ZNF578: variants seen among roughly 807,000 people sequenced by gnomAD.
ZNF578 encodes the protein zinc finger protein 578, also known as Putative chemokine-related protein B42.
A neutral mutation model predicts 8.3 loss-of-function variants in ZNF578; 8 were observed. That is an observed-to-expected ratio of 0.96 (90% CI 0.56 to 1.74). The LOEUF (loss-of-function observed/expected upper bound fraction) is 1.74. ZNF578 is among the 40% of genes most tolerant of loss of function. The pLI, the probability that ZNF578 is intolerant of heterozygous loss-of-function variation, is 0.00. For missense variants in ZNF578, 726 were observed against 707.5 expected (o/e 1.03, Z -0.30); for synonymous variants, 206 against 232.2 (o/e 0.89, Z 1.03).
At chr19:52,482,364 G>C (rs775590636) in intron 2 of ZNF578, among the ~76,000 whole-genome samples, 5 of 151,952 alleles carry the variant, frequency 3.3e-5, no homozygotes, top group Non-Finnish European at 7.4e-5. Flanking sequence ...ACATCAGGAC[G>C]CGGTGGCTCA....
At chr19:52,508,795 CAAA>C (rs374726428) in intron 5 of ZNF578, among the ~76,000 whole-genome samples, 6 of 100,850 alleles carry the variant, frequency 5.9e-5, no homozygotes, top group Non-Finnish European at 1.0e-4. Flanking sequence ...AACTCTGTCT[CAAA>C]AAAAAAAAAA....
chr19:52,479,124 G>A (rs148094758), intron 2 of ZNF578, among the ~76,000 whole-genome samples: 2,135 of 149,794 alleles, frequency 0.014, 46 homozygotes, highest in African/African-American at 0.05. Flanking sequence ...CAGAAGCTTA[G>A]TTAATGTCTG....
At chr19:52,484,149 A>G (rs2059336668) in intron 2 of ZNF578, among the ~76,000 whole-genome samples, 1 of 152,230 alleles carries the variant, frequency 6.6e-6, no homozygotes, top group Admixed American at 6.5e-5. Flanking sequence ...GTAAAGGAAA[A>G]AGTGCTGTGC....
At position 52,484,312 on chromosome 19, in the gene ZNF578, G is replaced by A. The variant is rs75481827; in HGVS notation, c.-121-7012G>A. 2.6e-5 allele frequency among the ~76,000 whole-genome samples: 4 copies of A among 152,324 alleles called. No homozygotes were observed. In the South Asian group the frequency reaches 6.2e-4, roughly 24 times the overall value. Reference sequence around the variant, plus strand: ...ACCCAGACATTCCTTTGCCAGGGACGAGTGGGAGACAGATGCCTTCCTCTT... The same window carrying A: ...ACCCAGACATTCCTTTGCCAGGGACAAGTGGGAGACAGATGCCTTCCTCTT... On this transcript the variant is annotated intron_variant, in intron 2 of 5. Transcript: ENST00000421239.
In ZNF578 at chr19:52,511,415, G is replaced by T. The variant is rs1331076393; in HGVS notation, c.1034G>T (p.Cys345Phe). 2 of 1,614,176 alleles carry T rather than the reference G, an allele frequency of 1.2e-6. No homozygotes were observed. Residue 345 changes from cysteine to phenylalanine, a missense_variant, in exon 6 of 6, where the codon TGT becomes TTT. Transcript: ENST00000421239. ...CACACTGGTGAGAAACCTTACAAGT[G>T]TAATGAATGTGGAAAGTCCTTCAGT... ...RCHTGEKPYKCNECGKSFSYK... is the reference protein window; with the variant it reads ...RCHTGEKPYKFNECGKSFSYK...
chr19:52,474,513 G>T (rs2059302028), intron 2 of ZNF578: 3 of 302,212 alleles, frequency 9.9e-6, no homozygotes, highest in Admixed American at 4.4e-5. Flanking sequence ...GTTCTGCAAG[G>T]TGTGAACTCT....
rs140088418 is a variant in ZNF578 at position 52,505,626 on chromosome 19, G to A, written c.190+845G>A. Among the ~76,000 whole-genome samples the A allele has an allele frequency of 6.8e-4, 103 of 151,918 alleles. 3 individuals are homozygous for A. In the East Asian group the frequency reaches 0.016, roughly 24 times the overall value. ...TTTTTAGTAGAGACGGGGTTTCACC[G>A]TGTTAGCCAAGATGCTCTCGATCTC... On this transcript the variant is annotated intron_variant, in intron 5 of 5. Transcript: ENST00000421239.
At chr19:52,458,470 A>ATATATATATATG (rs2059246337) in intron 2 of ZNF578, 1 of 143,536 alleles carries the variant, frequency 7.0e-6, no homozygotes, top group Non-Finnish European at 1.5e-5. Flanking sequence ...TACTATGTTT[A>ATATATATATATG]TATATATATA....
In ZNF578 at chr19:52,514,113, TC is replaced by T. The variant is rs2059462654; in HGVS notation, c.*1960del. ...CCTTTTTTTTCCTTCTGGTTCCTCT[TC>T]AGTTCTCTATTTATTTTTTCTTTTT... On this transcript the variant is annotated 3_prime_UTR_variant, in exon 6 of 6. Coordinates refer to ENST00000421239, the MANE Select transcript of ZNF578 (RefSeq NM_001099694.2). 6.6e-6 allele frequency among the ~76,000 whole-genome samples: 1 copy of T among 152,142 alleles called. No individual in the cohort carries two copies. Among genetic ancestry groups the T allele is most frequent in the Admixed American group, 6.6e-5 (1 of 15,258 alleles).
chr19:52,459,749 G>GTATATA (rs1568454143), intron 2 of ZNF578, among the ~76,000 whole-genome samples: 6 of 7,886 alleles, frequency 7.6e-4, no homozygotes, highest in African/African-American at 1.3e-3. Flanking sequence ...GTGTGTGTGT[G>GTATATA]TGTATATATA....
chr19:52,495,348 G>T (rs1456980578), intron 3 of ZNF578, among the ~76,000 whole-genome samples: 1 of 145,926 alleles, frequency 6.9e-6, no homozygotes. Context: ...GGATTAGGAG[G>T]CCGAGGCAGG....
intron 3 of ZNF578, among the ~76,000 whole-genome samples, chr19:52,492,390 G>C (rs1258968914): frequency 3.3e-5 from 5 of 152,114 alleles, no homozygotes; most frequent in East Asian, 1.9e-4. Context: ...TGAGCACTCA[G>C]TCCCGCATCC....
At position 52,501,774 on chromosome 19, in the gene ZNF578, G is replaced by A. The variant is rs1270487789; in HGVS notation, c.-19-53G>A. On this transcript the variant is annotated intron_variant, in intron 3 of 5. Transcript: ENST00000421239. ...TCCCCGTTCCTGTGTTTTTATCACA[G>A]GAAGGGAGTGAGTCATATCTAACCT... 1.9e-6 allele frequency: 3 copies of A among 1,581,320 alleles called. No homozygotes were observed. The African/African-American group carries it at 4.1e-5, about 21-fold the overall frequency.
intron 2 of ZNF578, among the ~76,000 whole-genome samples, chr19:52,460,795 C>CT (rs1226054371): frequency 3.9e-5 from 6 of 152,026 alleles, no homozygotes; most frequent in Non-Finnish European, 7.4e-5. Context: ...GTTCCTAATG[C>CT]TTTTTTTGCA....
chr19:52,498,020 G>A (rs1256582002), intron 3 of ZNF578, among the ~76,000 whole-genome samples: 1 of 152,154 alleles, frequency 6.6e-6, no homozygotes, highest in Non-Finnish European at 1.5e-5. Flanking sequence ...AACACCTATT[G>A]CTGTGTGTGC....
At chr19:52,485,397 G>A (rs545673054) in intron 2 of ZNF578, among the ~76,000 whole-genome samples, 46 of 152,244 alleles carry the variant, frequency 3.0e-4, no homozygotes, top group Non-Finnish European at 4.4e-5. Flanking sequence ...TATTCTGATG[G>A]GATGGAACCC....
At chr19:52,457,080 G>A (rs2059241996) in intron 2 of ZNF578, 122 bp downstream of exon 2, 1 of 152,712 alleles carries the variant, frequency 6.5e-6, no homozygotes, top group East Asian at 1.9e-4. Context: ...CATAGCCCTT[G>A]TTACAATCTT....
chr19:52,493,835 G>A (rs573894005), intron 3 of ZNF578, among the ~76,000 whole-genome samples: 58 of 151,370 alleles, frequency 3.8e-4, no homozygotes, highest in Non-Finnish European at 6.9e-4. Flanking sequence ...TACTAAAAAT[G>A]CAAAATTAGC....
chr19:52,480,341 C>T (rs575622219), intron 2 of ZNF578, among the ~76,000 whole-genome samples: 34 of 152,280 alleles, frequency 2.2e-4, no homozygotes, highest in Non-Finnish European at 4.6e-4. Context: ...TGTGCACATA[C>T]TGACCGAAAT....
Sources: allele counts gnomAD v4.1 joint callset (sites outside exome capture counted in the v4.1 genomes callset), GRCh38; gene constraint gnomAD v4.1.1; transcripts MANE v1.5; gene names NCBI Gene and HGNC (gene_info 2026-07-23, HGNC 2026-07-21).